ALG9: variants seen among roughly 807,000 people sequenced by gnomAD.
ALG9 encodes the protein ALG9 alpha-1,2-mannosyltransferase.
ALG9 carries 55 observed loss-of-function variants against 81.8 expected under a neutral mutation model. The ratio of observed to expected loss-of-function variants is 0.67; its 90% CI spans 0.54 to 0.84. ALG9 has a LOEUF of 0.84. Among genes scored for constraint, ALG9 ranks in the 40% least tolerant of loss-of-function variants. ALG9 has a pLI of 0.00. For missense variants in ALG9, 629 were observed against 745.0 expected (o/e 0.84, Z 1.81); for synonymous variants, 278 against 274.3 (o/e 1.01, Z -0.13).
At chr11:111,840,844 T>C (rs782149048) in intron 9 of ALG9, 35 bp from the exon 10 acceptor site, 1 of 1,612,112 alleles carries the variant, frequency 6.2e-7, no homozygotes, top group South Asian at 1.1e-5. Flanking sequence ...TCTTTCATTA[T>C]ATTAGAACAA....
chr11:111,781,705 T>C (rs545404209), downstream of ALG9, among the ~76,000 whole-genome samples: 286 of 152,258 alleles, frequency 1.9e-3, no homozygotes, highest in Middle Eastern at 3.4e-3. Context: ...TGGAGTGGAA[T>C]GGTGCAATCT....
the ALG9 span, among the ~76,000 whole-genome samples, chr11:111,770,382 C>A: frequency 8.7e-4 from 132 of 152,256 alleles, no homozygotes; most frequent in Admixed American, 1.5e-3. Context: ...CAGGTAGAGT[C>A]TGAAAGTCTT....
intron 10 of ALG9, among the ~76,000 whole-genome samples, chr11:111,839,601 A>AAG (rs1566000473): frequency 1.5e-4 from 14 of 94,238 alleles, no homozygotes; most frequent in African/African-American, 3.1e-4. Context: ...AAAAAAAAAA[A>AAG]GGGGGGGGGG....
chr11:111,793,573 A>G (rs1229671998), intron 14 of ALG9, among the ~76,000 whole-genome samples: 1 of 151,924 alleles, frequency 6.6e-6, no homozygotes, highest in Non-Finnish European at 1.5e-5. Flanking sequence ...CATCCTGGCT[A>G]ACATGGTGAA....
the ALG9 span, among the ~76,000 whole-genome samples, chr11:111,770,192 G>A: frequency 6.6e-6 from 1 of 152,198 alleles, no homozygotes; most frequent in African/African-American, 2.4e-5. Flanking sequence ...TAAGATGCCT[G>A]TTAAAAATGC....
chr11:111,831,355 A>T (rs74591583), intron 13 of ALG9, among the ~76,000 whole-genome samples: 2 of 152,036 alleles, frequency 1.3e-5, no homozygotes, highest in African/African-American at 4.8e-5. Context: ...CTCCATAGAG[A>T]CAGGGTCTTT....
At chr11:111,814,385 G>C (rs1951174604) in intron 13 of ALG9, among the ~76,000 whole-genome samples, 1 of 152,144 alleles carries the variant, frequency 6.6e-6, no homozygotes, top group African/African-American at 2.4e-5. Context: ...CCTCAGAACA[G>C]GGGTGTGGGT....
rs1461283997 is a variant in ALG9, at chr11:111,837,548, A to T, written c.1392T>A (p.Thr464=). The stretch of plus-strand genomic sequence containing the variant: ...CATTCACAGGTCTGCCTTCTGGGAC[A>T]GTGTGGATGGTTGGGTCTGTAGCAA... ...YRIATDPTIH[T]VPEGRPVNVC... is the part of the protein sequence containing the mutation. Residue 464 remains threonine (T), a synonymous_variant, in exon 12 of 15, where the codon ACT becomes ACA. Coordinates refer to ENST00000616540, the MANE Select transcript of ALG9 (RefSeq NM_024740.2). The T allele has an allele frequency of 6.8e-6, 11 of 1,613,988 alleles. No individual in the cohort carries two copies. The Admixed American group carries it at 1.8e-4, about 27-fold the overall frequency.
chr11:111,856,449 A>C (rs1292004373), intron 6 of ALG9, among the ~76,000 whole-genome samples: 1 of 151,780 alleles, frequency 6.6e-6, no homozygotes, highest in Non-Finnish European at 1.5e-5. Flanking sequence ...ATATATATAC[A>C]GAATAATTCC....
intron 14 of ALG9, among the ~76,000 whole-genome samples, chr11:111,797,934 G>C (rs1195594074): frequency 6.6e-6 from 1 of 152,082 alleles, no homozygotes; most frequent in Non-Finnish European, 1.5e-5. Flanking sequence ...GACTAGAAAA[G>C]GCCCCTCTCC....
intron 13 of ALG9, among the ~76,000 whole-genome samples, chr11:111,833,560 A>G (rs1457037227): frequency 2.0e-5 from 3 of 152,188 alleles, no homozygotes; most frequent in Admixed American, 6.5e-5. Context: ...GCACAATAGA[A>G]ACGGGACAGG....
intron 14 of ALG9, among the ~76,000 whole-genome samples, chr11:111,807,859 C>T (rs782542374): frequency 1.6e-4 from 24 of 152,148 alleles, no homozygotes; most frequent in South Asian, 4.1e-4. Context: ...CTGAGGTGGG[C>T]GGATAGCTTG....
In ALG9 at chr11:111,871,557, C is replaced by T. The variant is rs1964292939; in HGVS notation, c.-75G>A. ...CGCAGACATAGCTTTGGCTGGCAAACGGTGTCCGCCGAGGGACAAAAGACC... is the reference window on the plus strand; with the variant it reads ...CGCAGACATAGCTTTGGCTGGCAAATGGTGTCCGCCGAGGGACAAAAGACC... On this transcript the variant is annotated 5_prime_UTR_variant, in exon 1 of 15. Coordinates refer to ENST00000616540, the MANE Select transcript of ALG9 (RefSeq NM_024740.2). 1 of 1,532,730 alleles carries T rather than the reference C, an allele frequency of 6.5e-7. No individual in the cohort carries two copies. Among genetic ancestry groups the T allele is most frequent in the Non-Finnish European group, 8.7e-7 (1 of 1,145,016 alleles). 94.9% of individuals were successfully genotyped at this position (1,532,730 alleles called of 1,614,324 possible). A position where few individuals can be genotyped will look rare whatever the true frequency, so the allele number is the denominator to read the frequency against.
the ALG9 span, among the ~76,000 whole-genome samples, chr11:111,776,950 C>T: frequency 6.6e-6 from 1 of 152,302 alleles, no homozygotes; most frequent in East Asian, 1.9e-4. Flanking sequence ...AGTTACTGTG[C>T]CATGGATAAT....
intron 14 of ALG9, among the ~76,000 whole-genome samples, chr11:111,807,826 G>T (rs1377206748): frequency 6.6e-6 from 1 of 152,102 alleles, no homozygotes; most frequent in Non-Finnish European, 1.5e-5. Flanking sequence ...GGGCACCATG[G>T]GTCATCCCAG....
intron 3 of ALG9, among the ~76,000 whole-genome samples, chr11:111,867,206 T>C (rs1246631108): frequency 6.6e-6 from 1 of 152,236 alleles, no homozygotes. Context: ...CTGATCATTC[T>C]AAAATGTAAA....
rs529376539 is a variant in ALG9, at chr11:111,809,911, T to C, written c.1603-138A>G. 158 of 954,130 alleles carry C rather than the reference T, an allele frequency of 1.7e-4. 1 individual carries two copies. In the Admixed American group the frequency reaches 1.7e-3, roughly 10 times the overall value. The allele number at this position is 954,130 out of a possible 1,614,324, so 59.1% of individuals were successfully genotyped here. Reference sequence around the variant, plus strand: ...AGTCTTCAGACAATGTTGCCTATGCTCTCTCCACTCAGATAAGAGTATTCA... The same window carrying C: ...AGTCTTCAGACAATGTTGCCTATGCCCTCTCCACTCAGATAAGAGTATTCA... On this transcript the variant is annotated intron_variant, in intron 13 of 14. Transcript: ENST00000616540.
In ALG9 at chr11:111,827,782, C is replaced by T. The variant is rs547872893; in HGVS notation, c.1602+8383G>A. On this transcript the variant is annotated intron_variant, in intron 13 of 14. Transcript: ENST00000616540. Reference sequence around the variant, plus strand: ...ACTCGGTAGCTGAGGCACAAAAATCCCTTGAACCAGGGAGGTGGAGGTTGC... The same window carrying T: ...ACTCGGTAGCTGAGGCACAAAAATCTCTTGAACCAGGGAGGTGGAGGTTGC... 2.7e-5 allele frequency among the ~76,000 whole-genome samples: 4 copies of T among 150,938 alleles called. 1 individual carries two copies. The South Asian group carries it at 8.4e-4, about 32-fold the overall frequency.
In ALG9 at chr11:111,783,628, T is replaced by A; in HGVS notation, c.*2769A>T. On this transcript the variant is annotated 3_prime_UTR_variant, in exon 15 of 15. Coordinates refer to ENST00000616540, the MANE Select transcript of ALG9 (RefSeq NM_024740.2). The stretch of plus-strand genomic sequence containing the variant: ...CTCTGAGCAGGTGTGTTGAAACTGT[T>A]TTTCCCAGGCAAAGCTATCCTTCCT... The A allele has an allele frequency of 6.6e-6, 1 of 152,162 alleles. No individual in the cohort carries two copies. Among genetic ancestry groups the A allele is most frequent in the East Asian group, 1.9e-4 (1 of 5,194 alleles). The allele number at this position is 152,162 out of a possible 1,614,324, so 9.4% of individuals were successfully genotyped here. A position where few individuals can be genotyped will look rare whatever the true frequency, so the allele number is the denominator to read the frequency against.
Sources: gnomAD v4.1 joint callset for allele counts (sites outside exome capture counted in the v4.1 genomes callset) on GRCh38, gnomAD v4.1.1 for gene constraint, MANE v1.5 for transcripts, NCBI Gene and HGNC (gene_info 2026-07-23, HGNC 2026-07-21) for gene names.